SEC14L6: variants seen among roughly 807,000 people sequenced by gnomAD.
SEC14L6 encodes the protein SEC14 like lipid binding 6.
In SEC14L6, 40 loss-of-function variants were observed where a neutral mutation model predicts 54.1. The ratio of observed to expected loss-of-function variants is 0.74; its 90% CI spans 0.57 to 0.96. SEC14L6 has a LOEUF of 0.96. Ranked by LOEUF, SEC14L6 falls within the 40% of genes least tolerant of loss-of-function variation. SEC14L6 has a pLI of 0.00. For synonymous variants in SEC14L6, 171 were observed against 198.4 expected, an observed-to-expected ratio of 0.86 and a Z score of 1.16; for missense variants, 471 against 498.3, an observed-to-expected ratio of 0.95 and a Z score of 0.52.
intron 5 of SEC14L6, 106 bp downstream of exon 5, chr22:30,532,419 A>G: frequency 7.5e-7 from 1 of 1,329,634 alleles, no homozygotes; most frequent in Non-Finnish European, 1.0e-6. Context: ...CAGTACCAGG[A>G]GGAGCCGAGG....
chr22:30,533,822 C>G (rs1937060803), intron 3 of SEC14L6, among the ~76,000 whole-genome samples, 174 bp downstream of exon 3: 1 of 152,170 alleles, frequency 6.6e-6, no homozygotes, highest in Non-Finnish European at 1.5e-5. Context: ...TTTCTCTCTT[C>G]CCATCACGGC....
chr22:30,541,904 A>G (rs539933368), intron 1 of SEC14L6, among the ~76,000 whole-genome samples: 3 of 152,360 alleles, frequency 2.0e-5, no homozygotes, highest in Non-Finnish European at 4.4e-5. Context: ...ATTGCTATAC[A>G]TCAGCAACAC....
intron 1 of SEC14L6, chr22:30,542,534 A>G (rs1024866876): frequency 1.7e-5 from 19 of 1,123,408 alleles, no homozygotes; most frequent in Non-Finnish European, 2.0e-5. Flanking sequence ...CGGCGCTTCT[A>G]GTGCCTTCCA....
Position 30,525,977 on chromosome 22 carries a change from C to T in SEC14L6, c.665-45G>A, listed in dbSNP as rs1243406375. On this transcript the variant is annotated intron_variant, in intron 8 of 11. Transcript: ENST00000402034. The stretch of plus-strand genomic sequence containing the variant: ...GGACTCCAAAGGGACTCAGGAGACT[C>T]AACAGAGGGCAGAGGGGGCTGAGCC... The T allele has an allele frequency of 4.5e-6, 7 of 1,556,756 alleles. No individual in the cohort carries two copies. The South Asian group carries it at 8.2e-5, about 18-fold the overall frequency.
intron 1 of SEC14L6, among the ~76,000 whole-genome samples, chr22:30,546,371 G>A (rs1471289645): frequency 9.9e-6 from 1 of 101,112 alleles, no homozygotes; most frequent in Admixed American, 1.5e-4. Context: ...CAACAAGAGC[G>A]AAACTCCGTC....
intron 1 of SEC14L6, 42 bp from the exon 2 acceptor site, chr22:30,538,944 C>G (rs1465388570): frequency 2.7e-5 from 38 of 1,393,778 alleles, no homozygotes; most frequent in Non-Finnish European, 3.6e-5. Context: ...AGGCCAACCA[C>G]CCTCGGTCCT....
intron 1 of SEC14L6, among the ~76,000 whole-genome samples, chr22:30,541,535 T>C (rs914305714): frequency 3.3e-5 from 5 of 152,108 alleles, no homozygotes; most frequent in African/African-American, 1.2e-4. Flanking sequence ...GGCACACGCC[T>C]GTGATCCCAG....
chr22:30,534,154 G>T, intron 2 of SEC14L6, 115 bp from the exon 3 acceptor site: 1 of 977,316 alleles, frequency 1.0e-6, no homozygotes, highest in Non-Finnish European at 1.5e-6. Context: ...GTTACCCAGA[G>T]GGCCTTGTTC....
chr22:30,544,073 C>A, intron 1 of SEC14L6: 1 of 1,504,672 alleles, frequency 6.6e-7, no homozygotes, highest in South Asian at 1.1e-5. Flanking sequence ...ATCCAGGTCC[C>A]GAGGAAGTGA....
chr22:30,544,276 A>C, intron 1 of SEC14L6: 4 of 488,140 alleles, frequency 8.2e-6, no homozygotes, highest in East Asian at 3.4e-5. Flanking sequence ...CTCTCCCCAC[A>C]TTGCCACACA....
intron 5 of SEC14L6, 71 bp from the exon 6 acceptor site, chr22:30,532,069 C>G: frequency 2.0e-6 from 3 of 1,518,014 alleles, no homozygotes; most frequent in Non-Finnish European, 2.6e-6. Flanking sequence ...TGGGGCTGGG[C>G]CTAAGCCCAG....
At chr22:30,541,205 TA>T (rs1209089647) in intron 1 of SEC14L6, among the ~76,000 whole-genome samples, 6 of 151,474 alleles carry the variant, frequency 4.0e-5, no homozygotes, top group African/African-American at 1.2e-4. Context: ...AAAAAATTTT[TA>T]TTTATTTTTT....
chr22:30,536,171 G>A (rs1346620170), intron 2 of SEC14L6, among the ~76,000 whole-genome samples: 1 of 151,982 alleles, frequency 6.6e-6, no homozygotes, highest in Non-Finnish European at 1.5e-5. Context: ...CTTGTCATAA[G>A]TTACATAAAG....
Position 30,525,407 on chromosome 22 carries a change from A to G in SEC14L6, c.1024T>C (p.Tyr342His). ...EMTEVLPSQRYNAHMVPEDGI... is the reference protein window; with the variant it reads ...EMTEVLPSQRHNAHMVPEDGI... ...TCTTCAGGCACCATGTGGGCATTGT[A>G]GCGCTGGCTGGGCAGCACCTCTGTC... Residue 342 changes from tyrosine (Y) to histidine (H), a missense_variant, in exon 11 of 12, where the codon TAC becomes CAC. By Grantham distance (83) the Tyr-to-His change is moderately conservative (BLOSUM62 2). Transcript: ENST00000402034. 1 of 1,614,186 alleles carries G rather than the reference A, an allele frequency of 6.2e-7. No individual in the cohort carries two copies. Among genetic ancestry groups the G allele is most frequent in the Non-Finnish European group, 8.5e-7 (1 of 1,180,024 alleles).
intron 1 of SEC14L6, chr22:30,542,906 C>A: frequency 6.2e-7 from 1 of 1,601,452 alleles, no homozygotes; most frequent in Non-Finnish European, 8.5e-7. Context: ...AGTAACATCA[C>A]CCCAGCAGAT....
In SEC14L6 at chr22:30,538,829, T is replaced by C. The variant is rs5753190; in HGVS notation, c.128A>G (p.Gln43Arg). The change falls in exon 2 of 12, where the codon CAA (glutamine) becomes CGA (arginine). Residue 43 changes from glutamine to arginine, a missense_variant and splice_region_variant. Coordinates refer to ENST00000402034, the MANE Select transcript of SEC14L6 (RefSeq NM_001193336.4). ...PDDYFLLRWL[Q>R]ARSFDLQKSE... ...CCAGCCCCACGCTCTATCCTTACCT[T>C]GGAGCCAGCGCAGGAGGAAGTAGTC... The C allele has an allele frequency of 0.74, 1,155,213 of 1,553,678 alleles. 431,609 individuals carry two copies. Among genetic ancestry groups the C allele is most frequent in the African/African-American group, 0.83 (60,615 of 73,374 alleles).
At chr22:30,538,480 C>A (rs756313975) in intron 2 of SEC14L6, among the ~76,000 whole-genome samples, 1 of 152,192 alleles carries the variant, frequency 6.6e-6, no homozygotes, top group Non-Finnish European at 1.5e-5. Flanking sequence ...TGTGAGGATG[C>A]TTGAGCAGGC....
chr22:30,529,246 C>T, intron 7 of SEC14L6, 43 bp downstream of exon 7: 9 of 1,546,726 alleles, frequency 5.8e-6, no homozygotes, highest in African/African-American at 1.4e-5. Flanking sequence ...CCGCACATCC[C>T]CTGTCCCCCC....
In SEC14L6 at chr22:30,531,949, A is replaced by T. The variant is rs994814781; in HGVS notation, c.473T>A (p.Leu158Gln). Residue 158 changes from leucine (L) to glutamine (Q), a missense_variant, in exon 6 of 12, where the codon CTG becomes CAG. Transcript: ENST00000402034. ...TGGCTTCCACAGATCCCTCAGGCCC[A>T]GCCCTTCGAGACCAAAAATAGCTAT... ...KIIAIFGLEG[L>Q]GLRDLWKPGI... 1 of 1,550,690 alleles carries T rather than the reference A, an allele frequency of 6.4e-7. No homozygotes were observed. Among genetic ancestry groups the T allele is most frequent in the African/African-American group, 1.4e-5 (1 of 73,026 alleles).
Sources: allele counts gnomAD v4.1 joint callset (sites outside exome capture counted in the v4.1 genomes callset), GRCh38; gene constraint gnomAD v4.1.1; transcripts MANE v1.5; gene names NCBI Gene and HGNC (gene_info 2026-07-23, HGNC 2026-07-21).